Variants in MGAT4C observed in about 807,000 individuals in gnomAD.
The protein encoded by MGAT4C is MGAT4 family member C.
A neutral mutation model predicts 40.1 loss-of-function variants in MGAT4C; 19 were observed. That is an observed-to-expected ratio of 0.47 (90% confidence interval 0.33 to 0.70). The LOEUF is 0.70. Ranked by LOEUF, MGAT4C falls within the 30% of genes least tolerant of loss-of-function variation. The pLI is 0.02. For missense variants in MGAT4C, 491 were observed against 563.2 expected (o/e 0.87, Z 1.30); for synonymous variants, 181 against 187.1 (o/e 0.97, Z 0.27).
intron 2 of MGAT4C, among the ~76,000 whole-genome samples, chr12:86,545,764 G>A (rs1240560523): frequency 6.6e-6 from 1 of 151,276 alleles, no homozygotes; most frequent in Non-Finnish European, 1.5e-5. Flanking sequence ...GGGAATTATG[G>A]TATTTTGGCC....
intron 1 of MGAT4C, among the ~76,000 whole-genome samples, chr12:86,783,282 TAAAG>T (rs1249572901): frequency 6.6e-6 from 1 of 152,064 alleles, no homozygotes; most frequent in African/African-American, 2.4e-5. Context: ...GTTACATAAT[TAAAG>T]AAAGTTTGAT....
chr12:86,559,208 T>C (rs746665596), intron 2 of MGAT4C, among the ~76,000 whole-genome samples: 17 of 151,998 alleles, frequency 1.1e-4, no homozygotes, highest in Non-Finnish European at 1.8e-4. Flanking sequence ...GAGAATCTAA[T>C]ACTACAATAC....
At chr12:86,478,405 T>C (rs1009381647) in intron 2 of MGAT4C, among the ~76,000 whole-genome samples, 2 of 152,094 alleles carry the variant, frequency 1.3e-5, no homozygotes, top group Non-Finnish European at 1.5e-5. Flanking sequence ...TCAGGATCTG[T>C]GGAACAGGTA....
intron 2 of MGAT4C, among the ~76,000 whole-genome samples, chr12:86,613,596 T>G (rs1438527553): frequency 1.3e-5 from 2 of 152,178 alleles, no homozygotes; most frequent in Non-Finnish European, 2.9e-5. Context: ...AAATATGACT[T>G]TTTAAAGTAT....
At chr12:86,683,915 CTG>C (rs1218112685) in intron 2 of MGAT4C, among the ~76,000 whole-genome samples, 2 of 152,186 alleles carry the variant, frequency 1.3e-5, no homozygotes, top group Non-Finnish European at 2.9e-5. Flanking sequence ...CTCTTGTGCC[CTG>C]TATTGGATAT....
At chr12:86,074,048 G>C (rs527550971) in intron 1 of MGAT4C, among the ~76,000 whole-genome samples, 2 of 152,188 alleles carry the variant, frequency 1.3e-5, no homozygotes, top group South Asian at 4.2e-4. Flanking sequence ...TGAATCATGG[G>C]GGCCAGTTTT....
chr12:86,520,046 C>A (rs1325344962), intron 2 of MGAT4C, among the ~76,000 whole-genome samples: 1 of 151,946 alleles, frequency 6.6e-6, no homozygotes, highest in Non-Finnish European at 1.5e-5. Flanking sequence ...ATGTTTAAGT[C>A]TTTAATGTAT....
chr12:86,355,692 A>G (rs1955293735), intron 3 of MGAT4C, among the ~76,000 whole-genome samples: 1 of 152,046 alleles, frequency 6.6e-6, no homozygotes, highest in African/African-American at 2.4e-5. Context: ...GAATAAAAAC[A>G]TTTTTAAAGA....
At chr12:86,579,722 T>C (rs1223044019) in intron 2 of MGAT4C, among the ~76,000 whole-genome samples, 1 of 151,604 alleles carries the variant, frequency 6.6e-6, no homozygotes, top group Non-Finnish European at 1.5e-5. Flanking sequence ...TTAGCATTTC[T>C]TGTAGGACAA....
chr12:86,503,801 T>TGAGTTCTGCTC (rs1958418981), intron 2 of MGAT4C, among the ~76,000 whole-genome samples: 1 of 124,374 alleles, frequency 8.0e-6, no homozygotes, highest in Non-Finnish European at 1.7e-5. Flanking sequence ...TATATATATA[T>TGAGTTCTGCTC]ATATATATAT....
intron 2 of MGAT4C, among the ~76,000 whole-genome samples, chr12:86,611,998 G>GT (rs1486688326): frequency 6.6e-6 from 1 of 152,138 alleles, no homozygotes; most frequent in African/African-American, 2.4e-5. Flanking sequence ...GCCACTATTT[G>GT]TTTGAAGGTT....
rs543485305 is a variant in MGAT4C at position 86,156,830 on chromosome 12, C to T, written c.-57+99409G>A. Among the ~76,000 whole-genome samples the T allele has an allele frequency of 2.6e-5, 4 of 152,194 alleles. No individual in the cohort carries two copies. In the South Asian group the frequency reaches 8.3e-4, roughly 32 times the overall value. On this transcript the variant is annotated intron_variant, in intron 1 of 4. Transcript: ENST00000611864. Reference sequence around the variant, plus strand: ...AAAAAATGTTAGAAAGCAAATGCAGCCCTGGTCAGTTTAACTCAAAAATTT... The same window carrying T: ...AAAAAATGTTAGAAAGCAAATGCAGTCCTGGTCAGTTTAACTCAAAAATTT...
chr12:86,054,438 TAGAA>T (rs1477006907), intron 1 of MGAT4C, among the ~76,000 whole-genome samples: 1 of 151,962 alleles, frequency 6.6e-6, no homozygotes, highest in Non-Finnish European at 1.5e-5. Context: ...GGTGTGGAGA[TAGAA>T]AGATGTTCTT....
intron 1 of MGAT4C, among the ~76,000 whole-genome samples, chr12:86,194,516 G>A (rs1049746526): frequency 1.3e-5 from 2 of 150,972 alleles, no homozygotes; most frequent in Non-Finnish European, 2.9e-5. Context: ...GTGCAATGGT[G>A]CGATCTTGGC....
At chr12:86,401,264 G>A (rs1267410786) in intron 3 of MGAT4C, among the ~76,000 whole-genome samples, 9 of 129,184 alleles carry the variant, frequency 7.0e-5, no homozygotes, top group East Asian at 2.3e-4. Flanking sequence ...ATATATATGT[G>A]TGTGTGTGTG....
At chr12:86,691,962 A>C (rs959282881) in intron 2 of MGAT4C, among the ~76,000 whole-genome samples, 2 of 152,178 alleles carry the variant, frequency 1.3e-5, no homozygotes, top group African/African-American at 4.8e-5. Flanking sequence ...AGAACTGATA[A>C]ATATAATTAC....
At position 86,201,810 on chromosome 12, in the gene MGAT4C, C is replaced by T. The variant is rs116534515; in HGVS notation, c.-57+54429G>A. Reference sequence around the variant, plus strand: ...GAAAACTATTTGTCTTGCCATAGACCTTCTTTACCATTTCTCCCAGAAATG... The same window carrying T: ...GAAAACTATTTGTCTTGCCATAGACTTTCTTTACCATTTCTCCCAGAAATG... On this transcript the variant is annotated intron_variant, in intron 1 of 4. Coordinates refer to ENST00000611864, the MANE Select transcript of MGAT4C (RefSeq NM_001351288.2). Among the ~76,000 whole-genome samples the T allele has an allele frequency of 1.2e-3, 189 of 151,930 alleles. 1 individual carries two copies. The highest frequency in any genetic ancestry group is 4.3e-3 in the African/African-American group (178 of 41,484).
chr12:86,001,702 C>T (rs1298519365), intron 2 of MGAT4C: 4 of 880,790 alleles, frequency 4.5e-6, no homozygotes, highest in Non-Finnish European at 5.4e-6. Flanking sequence ...AAGGTACTGG[C>T]TGAATTGTAA....
chr12:86,353,316 G>C (rs1367881090), intron 3 of MGAT4C, among the ~76,000 whole-genome samples: 2 of 152,046 alleles, frequency 1.3e-5, no homozygotes, highest in East Asian at 3.9e-4. Context: ...AAAACCCTGG[G>C]TATAATACAT....
Sources: gnomAD v4.1 joint callset for allele counts (sites outside exome capture counted in the v4.1 genomes callset) on GRCh38, gnomAD v4.1.1 for gene constraint, MANE v1.5 for transcripts, NCBI Gene and HGNC (gene_info 2026-07-23, HGNC 2026-07-21) for gene names.